The following CACNA2D3 variants were observed in gnomAD, a reference collection of about 807,000 sequenced individuals.
CACNA2D3 encodes the protein voltage-dependent calcium channel subunit alpha-2/delta-3.
A neutral mutation model predicts 160.6 loss-of-function variants in CACNA2D3; 60 were observed. That is an observed-to-expected ratio of 0.37 (90% CI 0.30 to 0.46). CACNA2D3 has a LOEUF of 0.46. Among genes scored for constraint, CACNA2D3 ranks in the 20% least tolerant of loss-of-function variants. The pLI, the probability that CACNA2D3 is intolerant of heterozygous loss-of-function variation, is 1.00. For missense variants in CACNA2D3, 1,205 were observed against 1,365.0 expected (o/e 0.88, Z 1.85); for synonymous variants, 558 against 492.9 (o/e 1.13, Z -1.75).
chr3:54,229,421 C>T (rs1701730957), intron 2 of CACNA2D3, among the ~76,000 whole-genome samples: 1 of 152,150 alleles, frequency 6.6e-6, no homozygotes, highest in South Asian at 2.1e-4. Context: ...TCTCAATCTC[C>T]TGACCTCGTG....
intron 9 of CACNA2D3, among the ~76,000 whole-genome samples, chr3:54,620,625 A>T (rs1698963629): frequency 1.3e-5 from 2 of 152,218 alleles, no homozygotes; most frequent in African/African-American, 4.8e-5. Context: ...GGGCCACTGC[A>T]TATGTCACAT....
intron 27 of CACNA2D3, among the ~76,000 whole-genome samples, chr3:54,961,371 C>T (rs973913774): frequency 2.6e-5 from 4 of 152,174 alleles, no homozygotes; most frequent in African/African-American, 7.2e-5. Flanking sequence ...GGAAAAGTCA[C>T]TCTACTCCTA....
chr3:54,852,876 C>G (rs879746141), intron 17 of CACNA2D3, among the ~76,000 whole-genome samples: 1 of 152,088 alleles, frequency 6.6e-6, no homozygotes, highest in Non-Finnish European at 1.5e-5. Context: ...CTTCTAGAAT[C>G]CAGCTGACTT....
intron 3 of CACNA2D3, among the ~76,000 whole-genome samples, chr3:54,376,642 G>A (rs575761074): frequency 6.6e-6 from 1 of 152,140 alleles, no homozygotes; most frequent in East Asian, 1.9e-4. Context: ...TGAGAGTGCC[G>A]TTATCTTCAT....
In CACNA2D3 at chr3:54,165,616, A is replaced by AAAAG. The variant is rs1700439222; in HGVS notation, c.204+42026_204+42029dup. ...TTCCATCTCTAAAAAAAAAAAAAAA[A>AAAAG]AAAGAAAAATTAGCCAGGTGTGGTG... On this transcript the variant is annotated intron_variant, in intron 2 of 37. Coordinates refer to ENST00000474759, the MANE Select transcript of CACNA2D3 (RefSeq NM_018398.3). Among the ~76,000 whole-genome samples the AAAAG allele has an allele frequency of 2.0e-5, 3 of 147,176 alleles. No homozygotes were observed. The South Asian group carries it at 6.5e-4, about 32-fold the overall frequency.
chr3:54,421,364 T>G (rs566534383), intron 4 of CACNA2D3, among the ~76,000 whole-genome samples: 1 of 152,238 alleles, frequency 6.6e-6, no homozygotes, highest in African/African-American at 2.4e-5. Flanking sequence ...CTGAGACTTG[T>G]GACAGTCGGA....
Position 54,859,571 on chromosome 3 carries a change from C to T in CACNA2D3, c.1627-11968C>T, listed in dbSNP as rs531554542. ...AGATGGAGTCTACCCCGTGCCTGCC[C>T]CAGTGGCCCCCTCCCTCCATTATGT... is the stretch of plus-strand genomic sequence containing the variant. On this transcript the variant is annotated intron_variant, in intron 17 of 37. Coordinates refer to ENST00000474759, the MANE Select transcript of CACNA2D3 (RefSeq NM_018398.3). Among the ~76,000 whole-genome samples, 3 of 152,180 alleles carry T rather than the reference C, an allele frequency of 2.0e-5. 1 individual carries two copies. Among genetic ancestry groups the T allele is most frequent in the Non-Finnish European group, 4.4e-5 (3 of 68,026 alleles).
intron 17 of CACNA2D3, among the ~76,000 whole-genome samples, chr3:54,855,214 G>A (rs1699142540): frequency 6.6e-6 from 1 of 152,138 alleles, no homozygotes; most frequent in South Asian, 2.1e-4. Context: ...GAGGGGAGGG[G>A]AGTCAGGCTG....
At chr3:54,419,701 T>A (rs1008913711) in intron 4 of CACNA2D3, among the ~76,000 whole-genome samples, 1 of 152,204 alleles carries the variant, frequency 6.6e-6, no homozygotes, top group Non-Finnish European at 1.5e-5. Context: ...CAGGAGCACC[T>A]CCATGCTCTT....
intron 12 of CACNA2D3, among the ~76,000 whole-genome samples, chr3:54,757,148 A>G (rs1049843149): frequency 6.6e-6 from 1 of 152,158 alleles, no homozygotes; most frequent in African/African-American, 2.4e-5. Context: ...GTATGCCAAG[A>G]TTTTAAATAA....
intron 27 of CACNA2D3, among the ~76,000 whole-genome samples, chr3:54,907,408 G>A (rs1235088065): frequency 6.6e-6 from 1 of 152,144 alleles, no homozygotes; most frequent in East Asian, 1.9e-4. Context: ...ACTGGAATAT[G>A]TCTTAGACCC....
intron 2 of CACNA2D3, among the ~76,000 whole-genome samples, chr3:54,202,439 TAA>T (rs1301722874): frequency 6.6e-6 from 1 of 152,248 alleles, no homozygotes; most frequent in East Asian, 1.9e-4. Context: ...TGCCATCTTC[TAA>T]AATGCATGAA....
intron 3 of CACNA2D3, among the ~76,000 whole-genome samples, chr3:54,381,084 G>A (rs1227785367): frequency 6.6e-6 from 1 of 152,178 alleles, no homozygotes; most frequent in Non-Finnish European, 1.5e-5. Context: ...TAAATGTGTT[G>A]TTGCAAAACA....
chr3:54,405,711 A>G (rs6781509), intron 4 of CACNA2D3, among the ~76,000 whole-genome samples: 71,736 of 151,972 alleles, frequency 0.47, 18,143 homozygotes, highest in Middle Eastern at 0.58. Flanking sequence ...GCAAAAATAA[A>G]TAAATGGGAC....
chr3:54,474,097 G>A (rs747666217), intron 4 of CACNA2D3, among the ~76,000 whole-genome samples: 5 of 152,082 alleles, frequency 3.3e-5, no homozygotes, highest in South Asian at 2.1e-4. Flanking sequence ...ACATATGCAC[G>A]CATATGTTTA....
intron 11 of CACNA2D3, among the ~76,000 whole-genome samples, chr3:54,745,359 A>T (rs1701735421): frequency 6.6e-6 from 1 of 151,886 alleles, no homozygotes; most frequent in African/African-American, 2.4e-5. Flanking sequence ...TGAGAGCCTG[A>T]TGAAGGGAGG....
At chr3:54,125,743 C>T (rs1325286759) in intron 2 of CACNA2D3, among the ~76,000 whole-genome samples, 1 of 152,168 alleles carries the variant, frequency 6.6e-6, no homozygotes, top group Non-Finnish European at 1.5e-5. Context: ...TAGCAAAGAA[C>T]ATTGGTTTAG....
chr3:54,496,075 T>G (rs1002848590), intron 4 of CACNA2D3, among the ~76,000 whole-genome samples: 2 of 152,224 alleles, frequency 1.3e-5, no homozygotes, highest in African/African-American at 4.8e-5. Flanking sequence ...TTAGGTTATT[T>G]CTAGTTTGGG....
chr3:54,632,776 A>G (rs984784263), intron 10 of CACNA2D3: 2 of 152,186 alleles, frequency 1.3e-5, no homozygotes, highest in African/African-American at 2.4e-5. Flanking sequence ...GATGCTTTCT[A>G]TTGAAGAATT....
Sources: allele counts gnomAD v4.1 joint callset (sites outside exome capture counted in the v4.1 genomes callset), GRCh38; gene constraint gnomAD v4.1.1; transcripts MANE v1.5; gene names NCBI Gene and HGNC (gene_info 2026-07-23, HGNC 2026-07-21).